MGAT5: variants seen among roughly 807,000 people sequenced by gnomAD.
MGAT5 encodes the protein alpha-1,6-mannosylglycoprotein 6-beta-N-acetylglucosaminyltransferase A.
Under a neutral mutation model 94.3 loss-of-function variants are expected in MGAT5, and 30 were observed. That is an observed-to-expected ratio of 0.32 (90% CI 0.24 to 0.43). MGAT5 has a LOEUF of 0.43. Ranked by LOEUF, MGAT5 falls within the 20% of genes least tolerant of loss-of-function variation. The pLI is 1.00. For missense variants in MGAT5, 691 were observed against 905.5 expected (o/e 0.76, Z 3.04); for synonymous variants, 310 against 322.9 (o/e 0.96, Z 0.43).
At chr2:134,408,277 G>C (rs983906902) in intron 11 of MGAT5, among the ~76,000 whole-genome samples, 14 of 152,268 alleles carry the variant, frequency 9.2e-5, no homozygotes, top group Middle Eastern at 3.4e-3. Flanking sequence ...AACATGTTCA[G>C]CATCTACAGG....
intron 1 of MGAT5, among the ~76,000 whole-genome samples, chr2:134,170,680 C>G (rs542957864): frequency 6.6e-6 from 1 of 152,278 alleles, no homozygotes; most frequent in East Asian, 1.9e-4. Context: ...CCCTCCCTCC[C>G]TTACTGAGGT....
chr2:134,174,444 C>A (rs763380248), intron 1 of MGAT5, among the ~76,000 whole-genome samples: 8 of 152,272 alleles, frequency 5.3e-5, no homozygotes, highest in Non-Finnish European at 1.0e-4. Flanking sequence ...GTGGCTAGTG[C>A]CAGTGGCTGG....
chr2:134,168,826 C>T (rs1435847803), intron 1 of MGAT5, among the ~76,000 whole-genome samples: 2 of 152,178 alleles, frequency 1.3e-5, no homozygotes, highest in African/African-American at 2.4e-5. Context: ...TAGGGAAATC[C>T]GTGGTTGTTT....
intron 11 of MGAT5, among the ~76,000 whole-genome samples, chr2:134,407,947 G>A (rs1683436366): frequency 2.0e-5 from 3 of 152,158 alleles, no homozygotes; most frequent in Non-Finnish European, 4.4e-5. Context: ...ACCTGTCTAT[G>A]GGATTTACCA....
intron 2 of MGAT5, among the ~76,000 whole-genome samples, chr2:134,303,805 T>G (rs1280928143): frequency 1.3e-5 from 2 of 152,192 alleles, no homozygotes; most frequent in Non-Finnish European, 2.9e-5. Flanking sequence ...AATTTTTCAC[T>G]ACTATGCAAA....
At chr2:134,271,158 T>C (rs963419773) in intron 2 of MGAT5, among the ~76,000 whole-genome samples, 1 of 152,110 alleles carries the variant, frequency 6.6e-6, no homozygotes, top group Non-Finnish European at 1.5e-5. Context: ...CAAGGAAAAT[T>C]GACTAAAAAC....
At chr2:134,345,869 T>C (rs1688895902) in intron 8 of MGAT5, among the ~76,000 whole-genome samples, 2 of 152,160 alleles carry the variant, frequency 1.3e-5, no homozygotes, top group South Asian at 4.1e-4. Context: ...TCCTAAAGGT[T>C]ATATGCTTTT....
chr2:134,417,409 A>T (rs764206068), intron 12 of MGAT5, among the ~76,000 whole-genome samples: 2 of 151,354 alleles, frequency 1.3e-5, no homozygotes, highest in Non-Finnish European at 2.9e-5. Flanking sequence ...CTGGACCCAC[A>T]TTGCATTTAA....
At chr2:134,240,357 G>GT (rs11316083) in intron 1 of MGAT5, among the ~76,000 whole-genome samples, 15,057 of 146,726 alleles carry the variant, frequency 0.1, 2,081 homozygotes, top group African/African-American at 0.33. Flanking sequence ...AAATGAAAGT[G>GT]TTTTTTTTTT....
intron 13 of MGAT5, among the ~76,000 whole-genome samples, chr2:134,426,279 G>GA (rs1558878240): frequency 6.6e-6 from 1 of 151,762 alleles, no homozygotes; most frequent in East Asian, 1.9e-4. Flanking sequence ...TCTTTTATAG[G>GA]AAAATTGTTT....
intron 10 of MGAT5, among the ~76,000 whole-genome samples, chr2:134,381,395 TAGA>T (rs768428797): frequency 1.5e-4 from 12 of 80,666 alleles, no homozygotes; most frequent in African/African-American, 4.9e-4. Context: ...GATAGATAGA[TAGA>T]TAGATAGATA....
At chr2:134,335,501 T>G (rs1349788284) in intron 4 of MGAT5, among the ~76,000 whole-genome samples, 4 of 152,152 alleles carry the variant, frequency 2.6e-5, no homozygotes, top group Admixed American at 6.6e-5. Flanking sequence ...TTCTATAGAA[T>G]CAAGTTCTTT....
At chr2:134,444,299 A>C (rs1015423662) in intron 15 of MGAT5, among the ~76,000 whole-genome samples, 3 of 152,156 alleles carry the variant, frequency 2.0e-5, no homozygotes, top group African/African-American at 7.2e-5. Context: ...TCACGAGAGC[A>C]AAAGGACTTG....
chr2:134,433,790 C>T (rs934871561), intron 14 of MGAT5, among the ~76,000 whole-genome samples: 7 of 151,696 alleles, frequency 4.6e-5, no homozygotes, highest in South Asian at 2.1e-4. Context: ...GCTGACCGAA[C>T]GGGACCCAAA....
At chr2:134,171,180 G>A (rs941469210) in intron 1 of MGAT5, among the ~76,000 whole-genome samples, 1 of 152,060 alleles carries the variant, frequency 6.6e-6, no homozygotes, top group Non-Finnish European at 1.5e-5. Flanking sequence ...TTCCAAAATG[G>A]CTTTTTATTG....
intron 11 of MGAT5, among the ~76,000 whole-genome samples, chr2:134,411,089 C>T (rs1683625866): frequency 6.6e-6 from 1 of 152,200 alleles, no homozygotes; most frequent in African/African-American, 2.4e-5. Flanking sequence ...CTAGTACATT[C>T]CCACTGTTTC....
At chr2:134,370,892 C>A (rs1680750411) in intron 10 of MGAT5, among the ~76,000 whole-genome samples, 1 of 152,182 alleles carries the variant, frequency 6.6e-6, no homozygotes, top group Non-Finnish European at 1.5e-5. Flanking sequence ...TAACATAACC[C>A]CATGTGGCAT....
rs536213864 is a variant in MGAT5 at position 134,146,824 on chromosome 2, A to G, written c.-143+26533A>G. On this transcript the variant is annotated intron_variant, in intron 1 of 16. Transcript: ENST00000409645. The stretch of plus-strand genomic sequence containing the variant: ...CCTGCATGCTGGGTCTGAGGATGCC[A>G]TTCTCTTCTGCATTTCATTGGAGTG... Among the ~76,000 whole-genome samples the G allele has an allele frequency of 2.0e-5, 3 of 152,288 alleles. No homozygotes were observed. In the South Asian group the frequency reaches 6.2e-4, roughly 32 times the overall value.
At chr2:134,373,625 T>C (rs1418962529) in intron 10 of MGAT5, among the ~76,000 whole-genome samples, 2 of 152,212 alleles carry the variant, frequency 1.3e-5, no homozygotes, top group African/African-American at 4.8e-5. Context: ...ATTGAGGAGA[T>C]AGACCTATAC....
Sources: gnomAD v4.1 joint callset for allele counts (sites outside exome capture counted in the v4.1 genomes callset) on GRCh38, gnomAD v4.1.1 for gene constraint, MANE v1.5 for transcripts, NCBI Gene and HGNC (gene_info 2026-07-23, HGNC 2026-07-21) for gene names.